CIART: variants seen among roughly 807,000 people sequenced by gnomAD.
CIART encodes the protein circadian associated repressor of transcription, also known as circadian-associated transcriptional repressor.
Under a neutral mutation model 22.1 loss-of-function variants are expected in CIART, and 7 were observed. The ratio of observed to expected loss-of-function variants is 0.32; its 90% confidence interval spans 0.18 to 0.59. CIART has a LOEUF of 0.59. CIART is among the 20% of genes least tolerant of loss of function. The pLI is 0.86. For missense variants in CIART, 440 were observed against 478.0 expected, an observed-to-expected ratio of 0.92 and a Z score of 0.74; for synonymous variants, 163 against 174.6, an observed-to-expected ratio of 0.93 and a Z score of 0.53.
In CIART at chr1:150,286,843, C is replaced by T; in HGVS notation, c.1047C>T (p.Thr349=). The T allele has an allele frequency of 6.2e-7, 1 of 1,613,152 alleles. No individual in the cohort carries two copies. The highest frequency in any genetic ancestry group is 8.5e-7 in the Non-Finnish European group (1 of 1,179,212). ...PVTLPSDWSY[T]LSPPSLPTLA... Reference sequence around the variant, plus strand: ...CTCTGCCATCAGACTGGAGCTATACCCTATCCCCTCCCAGTCTACCCACCT... The same window carrying T: ...CTCTGCCATCAGACTGGAGCTATACTCTATCCCCTCCCAGTCTACCCACCT... The change falls in exon 5 of 5, where the codon ACC becomes ACT. Residue 349 remains threonine (T), a synonymous_variant. Coordinates refer to ENST00000290363, the MANE Select transcript of CIART (RefSeq NM_144697.4).
Position 150,283,339 on chromosome 1 carries a change from G to A in CIART, c.72G>A (p.Val24=). 1.9e-6 allele frequency: 3 copies of A among 1,569,784 alleles called. No individual in the cohort carries two copies. The highest frequency in any genetic ancestry group is 2.6e-6 in the Non-Finnish European group (3 of 1,159,190). Residue 24 remains valine (V), a synonymous_variant, in exon 1 of 5, where the codon GTG becomes GTA. Coordinates refer to ENST00000290363, the MANE Select transcript of CIART (RefSeq NM_144697.4). ...CTTCGTCTTTTCCCACCTCCCCAGT[G>A]AACAGTGACTTTGGCTTCCCCTCTG... ...SLSSSFPTSP[V]NSDFGFPSDS...
In CIART at chr1:150,284,705, C is replaced by T; in HGVS notation, c.630C>T (p.Thr210=). The change falls in exon 4 of 5, where the codon ACC becomes ACT. Residue 210 remains threonine (T), a synonymous_variant. Coordinates refer to ENST00000290363, the MANE Select transcript of CIART (RefSeq NM_144697.4). The part of the protein sequence containing the change: ...SSLGGGKHQL[T]KHFPSHHSDS... ...TGGGTGGTGGCAAGCATCAGCTGAC[C>T]AAGGTAAGAACTTAAGAACACGAGG... The T allele has an allele frequency of 6.2e-7, 1 of 1,606,150 alleles. No individual in the cohort carries two copies. The highest frequency in any genetic ancestry group is 8.5e-7 in the Non-Finnish European group (1 of 1,172,828).
rs111979153 is a variant in CIART, at chr1:150,284,303, G to A, written c.443-123G>A. The A allele has an allele frequency of 3.9e-5, 36 of 929,756 alleles. No homozygotes were observed. In the African/African-American group the frequency reaches 4.9e-4, roughly 13 times the overall value. 57.6% of individuals were successfully genotyped at this position (929,756 alleles called of 1,614,324 possible). The stretch of plus-strand genomic sequence containing the variant: ...CAAAGTGCTGGGATTACAGGCGTAA[G>A]CCACCTTGCCTGGCCCGACTTAATT... On this transcript the variant is annotated intron_variant, in intron 2 of 4. Transcript: ENST00000290363.
chr1:150,283,948 A>G lies in CIART; in HGVS notation c.442+68A>G, dbSNP rs1653313887. ...TTTCTCTTTCCCTCTTTTGACGTGT[A>G]TTTCTCTGAAGTTCTTGTTTGGGGC... is the stretch of plus-strand genomic sequence containing the variant. On this transcript the variant is annotated intron_variant, in intron 2 of 4. Coordinates refer to ENST00000290363, the MANE Select transcript of CIART (RefSeq NM_144697.4). 3.1e-6 allele frequency: 4 copies of G among 1,276,550 alleles called. No homozygotes were observed. In the Admixed American group the frequency reaches 7.5e-5, roughly 24 times the overall value. The allele number at this position is 1,276,550 out of a possible 1,614,324, so 79.1% of individuals were successfully genotyped here. A position where few individuals can be genotyped will look rare whatever the true frequency, so the allele number is the denominator to read the frequency against.
At chr1:150,283,939 T>C (rs988410776) in intron 2 of CIART, 59 bp downstream of exon 2, 2 of 1,339,854 alleles carry the variant, frequency 1.5e-6, no homozygotes, top group African/African-American at 1.5e-5. Context: ...TTTCCCTCTT[T>C]TGACGTGTAT....
rs910565061 is a variant in CIART at position 150,284,305 on chromosome 1, C to T, written c.443-121C>T. On this transcript the variant is annotated intron_variant, in intron 2 of 4. Transcript: ENST00000290363. Reference sequence around the variant, plus strand: ...AAGTGCTGGGATTACAGGCGTAAGCCACCTTGCCTGGCCCGACTTAATTTT... The same window carrying T: ...AAGTGCTGGGATTACAGGCGTAAGCTACCTTGCCTGGCCCGACTTAATTTT... 13 of 951,278 alleles carry T rather than the reference C, an allele frequency of 1.4e-5. No individual in the cohort carries two copies. The African/African-American group carries it at 1.9e-4, about 14-fold the overall frequency. The allele number at this position is 951,278 out of a possible 1,614,324, so 58.9% of individuals were successfully genotyped here.
rs1553854634 is a variant in CIART, at chr1:150,286,422, C to T, written c.634-8C>T. 1.3e-6 allele frequency: 2 copies of T among 1,557,344 alleles called. No homozygotes were observed. The highest frequency in any genetic ancestry group is 1.8e-6 in the Non-Finnish European group (2 of 1,129,604). On this transcript the variant is annotated splice_polypyrimidine_tract_variant and splice_region_variant and intron_variant, in intron 4 of 4. Coordinates refer to ENST00000290363, the MANE Select transcript of CIART (RefSeq NM_144697.4). ...CATTTCTTTTTTTCTCATTTCTCCC[C>T]TCTCTAGCATTTTCCAAGCCACCAC...
intron 4 of CIART, 99 bp from the exon 5 acceptor site, chr1:150,286,331 A>G: frequency 8.8e-7 from 1 of 1,139,550 alleles, no homozygotes; most frequent in Non-Finnish European, 1.3e-6. Context: ...TTGCATTGCA[A>G]ACTGAGTTCC....
chr1:150,284,003 TTTATTATTATTA>T (rs57585190), intron 2 of CIART, 123 bp downstream of exon 2: 3 of 489,702 alleles, frequency 6.1e-6, no homozygotes, highest in South Asian at 5.8e-5. Flanking sequence ...CTACTATGAC[TTTATTATTATTA>T]TTATTATTAT....
At position 150,286,682 on chromosome 1, in the gene CIART, C is replaced by T. The variant is rs1398534361; in HGVS notation, c.886C>T (p.Leu296Phe). ...TGTGIGVILFLQHGVQPFTHS... is the reference protein window; with the variant it reads ...TGTGIGVILFFQHGVQPFTHS... ...AACCGGCATTGGCGTCATTCTTTTC[C>T]TCCAGCATGGAGTGCAACCCTTCAC... is the stretch of plus-strand genomic sequence containing the variant. Residue 296 changes from leucine (L) to phenylalanine (F), a missense_variant, in exon 5 of 5, where the codon CTC becomes TTC. Physicochemically the swap from Leu to Phe is conservative, Grantham distance 22. Coordinates refer to ENST00000290363, the MANE Select transcript of CIART (RefSeq NM_144697.4). 4 of 1,614,136 alleles carry T rather than the reference C, an allele frequency of 2.5e-6. No homozygotes were observed. The highest frequency in any genetic ancestry group is 1.7e-5 in the Admixed American group (1 of 60,004).
At chr1:150,285,125 ACAGTTT>A in intron 4 of CIART, 1 of 210,584 alleles carries the variant, frequency 4.7e-6, no homozygotes, top group Non-Finnish European at 9.5e-6. Context: ...AAACCCTTTG[ACAGTTT>A]TTGAGTCTAC....
chr1:150,286,104 C>CTTCTT (rs10691120), intron 4 of CIART, among the ~76,000 whole-genome samples: 95,331 of 151,466 alleles, frequency 0.63, 31,666 homozygotes, highest in African/African-American at 0.84. Context: ...TAAAAATAGA[C>CTTCTT]TTCAAAGAAA....
chr1:150,286,806 G>C lies in CIART; in HGVS notation c.1010G>C (p.Ser337Thr). 6.2e-7 allele frequency: 1 copy of C among 1,613,804 alleles called. No individual in the cohort carries two copies. Among genetic ancestry groups the C allele is most frequent in the Non-Finnish European group, 8.5e-7 (1 of 1,179,774 alleles). ...TCTGGAGAGGGTCCTCGTTGCTACA[G>C]TTTGCCAGTAACTCTGCCATCAGAC... ...KLSGEGPRCY[S>T]LPVTLPSDWS... The change falls in exon 5 of 5, where the codon AGT (serine) becomes ACT (threonine). Residue 337 changes from serine (S) to threonine (T), a missense_variant. Transcript: ENST00000290363.
rs782323734 is a variant in CIART, at chr1:150,283,366, T to C, written c.99T>C (p.Asp33=). 1.3e-6 allele frequency: 2 copies of C among 1,596,996 alleles called. No homozygotes were observed. The highest frequency in any genetic ancestry group is 1.3e-5 in the African/African-American group (1 of 74,240). The change falls in exon 1 of 5, where the codon GAT becomes GAC. Residue 33 remains aspartate, a synonymous_variant. Transcript: ENST00000290363. ...ACAGTGACTTTGGCTTCCCCTCTGATAGTGAGAGGGAGGACAAGGGGGCCC... is the reference window on the plus strand; with the variant it reads ...ACAGTGACTTTGGCTTCCCCTCTGACAGTGAGAGGGAGGACAAGGGGGCCC... ...PVNSDFGFPS[D]SEREDKGAHG...
In CIART at chr1:150,286,481, A is replaced by G. The variant is rs782075361; in HGVS notation, c.685A>G (p.Met229Val). 3.8e-6 allele frequency: 6 copies of G among 1,587,356 alleles called. No individual in the cohort carries two copies. Among genetic ancestry groups the G allele is most frequent in the Middle Eastern group, 1.7e-4 (1 of 6,008 alleles). ...DSAASSPASP[M>V]EKMDQTQLGH... ...AGCTGCTTCCTCTCCTGCATCTCCTATGGAAAAGATGGACCAGACACAGCT... is the reference window on the plus strand; with the variant it reads ...AGCTGCTTCCTCTCCTGCATCTCCTGTGGAAAAGATGGACCAGACACAGCT... The change falls in exon 5 of 5, where the codon ATG (methionine) becomes GTG (valine). Residue 229 changes from methionine to valine, a missense_variant. Physicochemically the swap from Met to Val is conservative, Grantham distance 21. Transcript: ENST00000290363.
At chr1:150,286,315 G>A (rs1553854596) in intron 4 of CIART, 115 bp from the exon 5 acceptor site, 1 of 919,350 alleles carries the variant, frequency 1.1e-6, no homozygotes, top group Non-Finnish European at 1.7e-6. Context: ...ATAAAACGAG[G>A]TATGTTTGCA....
At position 150,283,811 on chromosome 1, in the gene CIART, G is replaced by T; in HGVS notation, c.373G>T (p.Glu125Ter). 6.3e-7 allele frequency: 1 copy of T among 1,591,270 alleles called. No homozygotes were observed. The highest frequency in any genetic ancestry group is 8.6e-7 in the Non-Finnish European group (1 of 1,159,310). ...GDLLFAQKCK[E>*]LQGFIPPLTD... ...TTGTCCTATTTTCCTACAGTGTAAA[G>T]AACTCCAAGGATTTATACCTCCTCT... Residue 125 changes from glutamate (E) to a stop codon, truncating the protein, a stop_gained, in exon 2 of 5, where the codon GAA becomes TAA. Coordinates refer to ENST00000290363, the MANE Select transcript of CIART (RefSeq NM_144697.4). LOFTEE classifies it high-confidence loss of function.
Position 150,287,077 on chromosome 1 carries a change from AT to A in CIART, c.*130del. On this transcript the variant is annotated 3_prime_UTR_variant, in exon 5 of 5. Transcript: ENST00000290363. Reference sequence around the variant, plus strand: ...AGATAAATCCTTTCTGATTAAAGAAATTTTTTTATACCTAAACAGTTTGCTG... The same window carrying A: ...AGATAAATCCTTTCTGATTAAAGAAATTTTTTATACCTAAACAGTTTGCTG... 3 of 1,011,388 alleles carry A rather than the reference AT, an allele frequency of 3.0e-6. No individual in the cohort carries two copies. The highest frequency in any genetic ancestry group is 1.7e-5 in the African/African-American group (1 of 59,920). 62.7% of individuals were successfully genotyped at this position (1,011,388 alleles called of 1,614,324 possible).
chr1:150,286,061 T>G (rs1653469045), intron 4 of CIART, among the ~76,000 whole-genome samples: 1 of 151,846 alleles, frequency 6.6e-6, no homozygotes, highest in South Asian at 2.1e-4. Context: ...TATTCGAATT[T>G]AAATACAGAA....
Sources: allele counts gnomAD v4.1 joint callset (sites outside exome capture counted in the v4.1 genomes callset), GRCh38; gene constraint gnomAD v4.1.1; transcripts MANE v1.5; gene names NCBI Gene and HGNC (gene_info 2026-07-23, HGNC 2026-07-21).